The following HCRTR2 variants were observed in gnomAD, a reference collection of about 807,000 sequenced individuals.
The protein encoded by HCRTR2 is hypocretin receptor 2.
HCRTR2 carries 22 observed loss-of-function variants against 49.0 expected under a neutral mutation model. The ratio of observed to expected loss-of-function variants is 0.45; its 90% confidence interval spans 0.32 to 0.64. The LOEUF is 0.64. HCRTR2 is among the 30% of genes least tolerant of loss of function. The probability of loss-of-function intolerance (pLI) is 0.04; values close to 1 mark genes in which losing one functional copy is unlikely to be tolerated. For missense variants in HCRTR2, 491 were observed against 559.4 expected, an observed-to-expected ratio of 0.88 and a Z score of 1.23; for synonymous variants, 236 against 205.3, an observed-to-expected ratio of 1.15 and a Z score of -1.28.
intron 3 of HCRTR2, among the ~76,000 whole-genome samples, chr6:55,256,616 T>G (rs1766657683): frequency 6.7e-6 from 1 of 150,086 alleles, no homozygotes; most frequent in African/African-American, 2.5e-5. Flanking sequence ...TTTTCCTTTT[T>G]AACATTCCAA....
chr6:55,108,826 G>A (rs570031809), intron 1 of HCRTR2, among the ~76,000 whole-genome samples: 2 of 152,232 alleles, frequency 1.3e-5, no homozygotes, highest in South Asian at 4.1e-4. Flanking sequence ...GAACTGGGGG[G>A]TTGGGGTGAA....
At chr6:55,235,785 A>G (rs919060476) in intron 1 of HCRTR2, among the ~76,000 whole-genome samples, 1 of 152,030 alleles carries the variant, frequency 6.6e-6, no homozygotes, top group East Asian at 1.9e-4. Context: ...GAGTCCTTAT[A>G]TACGTAGGTG....
intron 1 of HCRTR2, among the ~76,000 whole-genome samples, chr6:55,142,201 A>T (rs181434683): frequency 0.012 from 1,754 of 146,232 alleles, 28 homozygotes; most frequent in African/African-American, 0.04. Flanking sequence ...TTAAAAAAAA[A>T]TTTTTTTTTT....
In HCRTR2 at chr6:55,280,310, T is replaced by C. The variant is rs755597307; in HGVS notation, c.984-13T>C. ...ATTTAAAAGACACTTTTCTGTTGTT[T>C]CTTTTCCTGCAGAGTATTTGGGATG... On this transcript the variant is annotated splice_polypyrimidine_tract_variant and intron_variant, in intron 5 of 6. Transcript: ENST00000370862. 6.5e-7 allele frequency: 1 copy of C among 1,544,264 alleles called. No homozygotes were observed. Among genetic ancestry groups the C allele is most frequent in the South Asian group, 1.1e-5 (1 of 89,446 alleles).
At chr6:55,125,786 A>G (rs1344046557) in intron 1 of HCRTR2, among the ~76,000 whole-genome samples, 1 of 151,130 alleles carries the variant, frequency 6.6e-6, no homozygotes, top group Non-Finnish European at 1.5e-5. Context: ...ACATAGTCCC[A>G]TATTTCTTGG....
In HCRTR2 at chr6:55,215,593, A is replaced by G. The variant is rs1354679899; in HGVS notation, c.224-33046A>G. 2.6e-5 allele frequency among the ~76,000 whole-genome samples: 4 copies of G among 152,208 alleles called. No individual in the cohort carries two copies. The South Asian group carries it at 8.3e-4, about 31-fold the overall frequency. ...CCTGGTATAGAAGTTAAAAAAAACC[A>G]CAAGTATTAAAATAACTGTAACTAT... is the stretch of plus-strand genomic sequence containing the variant. On this transcript the variant is annotated intron_variant, in intron 1 of 6. Transcript: ENST00000370862.
At chr6:55,125,971 G>A (rs1003029996) in intron 1 of HCRTR2, among the ~76,000 whole-genome samples, 52 of 151,984 alleles carry the variant, frequency 3.4e-4, no homozygotes, top group African/African-American at 8.7e-4. Context: ...CCATCATGTC[G>A]TTTATGTTCT....
chr6:55,279,685 G>C (rs970489775), intron 5 of HCRTR2, among the ~76,000 whole-genome samples: 2 of 152,096 alleles, frequency 1.3e-5, no homozygotes, highest in Non-Finnish European at 2.9e-5. Context: ...ATATTTCTAA[G>C]TATGGAGAAA....
rs189150943 is a variant in HCRTR2 at position 55,158,510 on chromosome 6, C to T, written c.-377-15701C>T. 3.7e-3 allele frequency among the ~76,000 whole-genome samples: 560 copies of T among 152,276 alleles called. 1 individual carries two copies. The highest frequency in any genetic ancestry group is 8.9e-3 in the South Asian group (43 of 4,824). ...AGCCAGGGAACCCAGTGGTCTAGCT[C>T]GGTGGATCCCACTCCCATGGAGGCC... is the stretch of plus-strand genomic sequence containing the variant. On this transcript the variant is annotated intron_variant, in intron 1 of 7. Transcript: ENST00000615358.
intron 1 of HCRTR2, among the ~76,000 whole-genome samples, chr6:55,161,845 C>A (rs565054396): frequency 6.6e-6 from 1 of 152,166 alleles, no homozygotes; most frequent in South Asian, 2.1e-4. Context: ...TAATTAATAG[C>A]GTTCCAATGA....
rs1264071090 is a variant in HCRTR2 at position 55,282,306 on chromosome 6, G to C, written c.1187G>C (p.Arg396Thr). 3.1e-6 allele frequency: 5 copies of C among 1,613,790 alleles called. No homozygotes were observed. The highest frequency in any genetic ancestry group is 3.3e-5 in the Admixed American group (2 of 59,910). ...VHHRQEDRLT[R>T]GRTSTESRKS... ...CATCGCCAGGAGGATCGGCTCACCA[G>C]GGGACGAACTAGCACAGAGAGCCGG... Residue 396 changes from arginine to threonine, a missense_variant, in exon 7 of 7, where the codon AGG becomes ACG. Coordinates refer to ENST00000370862, the MANE Select transcript of HCRTR2 (RefSeq NM_001384272.1).
At chr6:55,223,670 T>C (rs1260540774) in intron 1 of HCRTR2, among the ~76,000 whole-genome samples, 1 of 152,216 alleles carries the variant, frequency 6.6e-6, no homozygotes, top group African/African-American at 2.4e-5. Context: ...GAGAATATTT[T>C]AGTTTTTCAA....
At chr6:55,191,433 T>C (rs1765313328) in intron 1 of HCRTR2, among the ~76,000 whole-genome samples, 1 of 152,172 alleles carries the variant, frequency 6.6e-6, no homozygotes, top group African/African-American at 2.4e-5. Context: ...CTTTAAATTA[T>C]TAAAATCTAT....
At chr6:55,119,322 G>T (rs893190069) in intron 1 of HCRTR2, among the ~76,000 whole-genome samples, 1 of 152,060 alleles carries the variant, frequency 6.6e-6, no homozygotes, top group African/African-American at 2.4e-5. Context: ...GGGTCAAATG[G>T]TATTTCTAGT....
chr6:55,140,718 A>G (rs889977680), intron 1 of HCRTR2, among the ~76,000 whole-genome samples: 1 of 152,212 alleles, frequency 6.6e-6, no homozygotes, highest in Admixed American at 6.5e-5. Context: ...GCAGAAACTG[A>G]AGTACATATA....
chr6:55,189,775 A>G (rs923871656), intron 1 of HCRTR2, among the ~76,000 whole-genome samples: 11 of 152,328 alleles, frequency 7.2e-5, no homozygotes, highest in Non-Finnish European at 1.6e-4. Flanking sequence ...CGTCCTGCAC[A>G]TGTATCCCAG....
intron 1 of HCRTR2, among the ~76,000 whole-genome samples, chr6:55,147,669 C>G (rs866889285): frequency 6.6e-6 from 1 of 152,076 alleles, no homozygotes; most frequent in Non-Finnish European, 1.5e-5. Flanking sequence ...GATGATCTGT[C>G]GGGTGGGTTT....
intron 1 of HCRTR2, among the ~76,000 whole-genome samples, chr6:55,243,423 A>G (rs2127307877): frequency 6.6e-6 from 1 of 152,298 alleles, no homozygotes; most frequent in Non-Finnish European, 1.5e-5. Context: ...CAGAGGACAC[A>G]GTACATGGCG....
At chr6:55,252,481 G>A (rs940766859) in intron 2 of HCRTR2, among the ~76,000 whole-genome samples, 3 of 152,052 alleles carry the variant, frequency 2.0e-5, no homozygotes, top group Non-Finnish European at 4.4e-5. Context: ...TAGCCCAGAA[G>A]CTATGAAAAG....
Sources: allele counts gnomAD v4.1 joint callset (sites outside exome capture counted in the v4.1 genomes callset), GRCh38; gene constraint gnomAD v4.1.1; transcripts MANE v1.5; gene names NCBI Gene and HGNC (gene_info 2026-07-23, HGNC 2026-07-21).